TNKS1BP1: variants seen among roughly 807,000 people sequenced by gnomAD.
TNKS1BP1 encodes 182 kDa tankyrase-1-binding protein.
Under a neutral mutation model 141.1 loss-of-function variants are expected in TNKS1BP1, and 48 were observed. The ratio of observed to expected loss-of-function variants is 0.34; its 90% CI spans 0.27 to 0.43. The LOEUF is 0.43. TNKS1BP1 is among the 20% of genes least tolerant of loss of function. The pLI is 1.00. For missense variants in TNKS1BP1, 2,149 were observed against 2,226.0 expected (o/e 0.97, Z 0.70); for synonymous variants, 875 against 898.2 (o/e 0.97, Z 0.46).
At chr11:57,319,931 G>A in intron 3 of TNKS1BP1, 148 bp downstream of exon 3, 1 of 917,342 alleles carries the variant, frequency 1.1e-6, no homozygotes, top group Non-Finnish European at 1.6e-6. Flanking sequence ...CCTAGATCGG[G>A]ATCTGCCTGT....
At position 57,312,977 on chromosome 11, in the gene TNKS1BP1, G is replaced by A; in HGVS notation, c.1711C>T (p.Pro571Ser). 9.3e-6 allele frequency: 15 copies of A among 1,613,914 alleles called. No individual in the cohort carries two copies. The highest frequency in any genetic ancestry group is 1.1e-5 in the Non-Finnish European group (13 of 1,180,024). ...QPQFPAVPLE[P>S]LPTTEGTPGL... is the part of the protein sequence containing the mutation. ...GGTGTGCCCTCAGTTGTAGGCAGGG[G>A]CTCAAGGGGAACAGCTGGGAATTGA... Residue 571 changes from proline to serine, a missense_variant, in exon 5 of 12, where the codon CCC (proline) becomes TCC (serine). Transcript: ENST00000358252.
rs146774660 is a variant in TNKS1BP1, at chr11:57,313,281, G to T, written c.1407C>A (p.Asn469Lys). The T allele has an allele frequency of 2.2e-5, 35 of 1,613,020 alleles. No individual in the cohort carries two copies. In the African/African-American group the frequency reaches 4.0e-4, roughly 18 times the overall value. ...ATTCGAAGGACTGTGATAAGCTCCA[G>T]TTGGACTCTGCCCCAAAGGGACGAT... The part of the protein sequence containing the change: ...ALDRPFGAES[N>K]WSLSQSFEWT... The change falls in exon 5 of 12, where the codon AAC (asparagine) becomes AAA (lysine). Residue 469 changes from asparagine to lysine, a missense_variant. Physicochemically the swap from Asn to Lys is moderately conservative, Grantham distance 94 (BLOSUM62 0). Coordinates refer to ENST00000358252, the MANE Select transcript of TNKS1BP1 (RefSeq NM_033396.3).
chr11:57,300,699 A>G, intron 10 of TNKS1BP1, 99 bp from the exon 11 acceptor site: 1 of 1,546,094 alleles, frequency 6.5e-7, no homozygotes, highest in Non-Finnish European at 8.9e-7. Flanking sequence ...TAACCAGAAG[A>G]GGCAGTCTGG....
In TNKS1BP1 at chr11:57,312,808, G is replaced by T. The variant is rs1276336231; in HGVS notation, c.1880C>A (p.Pro627His). Residue 627 changes from proline (P) to histidine (H), a missense_variant, in exon 5 of 12, where the codon CCT (proline) becomes CAT (histidine). Physicochemically the swap from Pro to His is moderately conservative, Grantham distance 77. Coordinates refer to ENST00000358252, the MANE Select transcript of TNKS1BP1 (RefSeq NM_033396.3). ...PVLGQEQPAA[P>H]DQPCVLFADA... ...AGCAAAGAGAACACAGGGCTGGTCA[G>T]GGGCTGCTGGCTGCTCCTGCCCCAG... The T allele has an allele frequency of 6.2e-7, 1 of 1,612,134 alleles. No individual in the cohort carries two copies. Among genetic ancestry groups the T allele is most frequent in the East Asian group, 2.2e-5 (1 of 44,856 alleles).
At chr11:57,301,137 A>C in intron 9 of TNKS1BP1, 96 bp from the exon 10 acceptor site, 1 of 1,321,572 alleles carries the variant, frequency 7.6e-7, no homozygotes, top group Non-Finnish European at 1.0e-6. Context: ...CAGTCCCCAG[A>C]ATCAAGCAGA....
Position 57,310,004 on chromosome 11 carries a change from T to G in TNKS1BP1, c.2707A>C (p.Asn903His). 3 of 1,614,124 alleles carry G rather than the reference T, an allele frequency of 1.9e-6. No individual in the cohort carries two copies. The highest frequency in any genetic ancestry group is 2.5e-6 in the Non-Finnish European group (3 of 1,179,948). The stretch of plus-strand genomic sequence containing the variant: ...TTCCCCAAATCTTGGCCCTGCTCGT[T>G]GGCATCTTGGCTGGCATAAGCACCC... ...SLGAYASQDANEQGQDLGKRD... is the reference protein window; with the variant it reads ...SLGAYASQDAHEQGQDLGKRD... The change falls in exon 6 of 12, where the codon AAC becomes CAC. Residue 903 changes from asparagine (N) to histidine (H), a missense_variant. By Grantham distance (68) the Asn-to-His change is moderately conservative (BLOSUM62 1). Transcript: ENST00000358252.
rs1033096633 is a variant in TNKS1BP1, at chr11:57,322,079, G to C, written c.-65-129C>G. 156 of 812,998 alleles carry C rather than the reference G, an allele frequency of 1.9e-4. 17 individuals carry two copies. Among genetic ancestry groups the C allele is most frequent in the Non-Finnish European group, 2.5e-4 (139 of 565,012 alleles). 50.4% of individuals were successfully genotyped at this position (812,998 alleles called of 1,614,324 possible). ...GAAGAGAGAACTTGGAGTGGGGGGG[G>C]GGGGGTAGGAGGAGGTCAAGGGAGG... On this transcript the variant is annotated intron_variant, in intron 1 of 11. Transcript: ENST00000358252.
chr11:57,313,131 G>A lies in TNKS1BP1; in HGVS notation c.1557C>T (p.Ser519=). Residue 519 remains serine, a synonymous_variant, in exon 5 of 12, where the codon AGC becomes AGT. Transcript: ENST00000358252. ...CCTGCTGAGACACTCCTTCTTCCCT[G>A]CTGGAAACGGCCAAGTTGCCAGCCT... The part of the protein sequence containing the change: ...AAEAGNLAVS[S]REEGVSQQGQ... 6.2e-7 allele frequency: 1 copy of A among 1,613,160 alleles called. No individual in the cohort carries two copies. Among genetic ancestry groups the A allele is most frequent in the Non-Finnish European group, 8.5e-7 (1 of 1,180,026 alleles).
At position 57,310,166 on chromosome 11, in the gene TNKS1BP1, T is replaced by A. The variant is rs763104177; in HGVS notation, c.2545A>T (p.Arg849Trp). The A allele has an allele frequency of 5.6e-6, 9 of 1,614,188 alleles. No homozygotes were observed. Among genetic ancestry groups the A allele is most frequent in the East Asian group, 2.2e-5 (1 of 44,880 alleles). The change falls in exon 6 of 12, where the codon AGG (arginine) becomes TGG (tryptophan). Residue 849 changes from arginine (R) to tryptophan (W), a missense_variant. Transcript: ENST00000358252. ...CTGGAGTAAGTGCCCTGGGAATCCCTCTTTCTGAACTCCCAGTCCTGAACA... is the reference window on the plus strand; with the variant it reads ...CTGGAGTAAGTGCCCTGGGAATCCCACTTTCTGAACTCCCAGTCCTGAACA... ...ADVQDWEFRK[R>W]DSQGTYSSRD...
Position 57,313,755 on chromosome 11 carries a change from A to T in TNKS1BP1, c.933T>A (p.Ser311=), listed in dbSNP as rs746565451. The stretch of plus-strand genomic sequence containing the variant: ...CTTCCAGAAGCTGTGAGTGGCAGGG[A>T]GAACTCTTATCAGGCGGGTGAAGAT... ...SPHLHPPDKS[S]PCHSQLLEAQ... Residue 311 remains serine (S), a synonymous_variant, in exon 5 of 12, where the codon TCT becomes TCA. Transcript: ENST00000358252. The T allele has an allele frequency of 3.1e-6, 5 of 1,597,722 alleles. No individual in the cohort carries two copies. The African/African-American group carries it at 6.7e-5, about 21-fold the overall frequency.
In TNKS1BP1 at chr11:57,305,741, C is replaced by T. The variant is rs1590578595; in HGVS notation, c.4316+2654G>A. 3.3e-5 allele frequency among the ~76,000 whole-genome samples: 5 copies of T among 152,170 alleles called. No homozygotes were observed. The South Asian group carries it at 1.0e-3, about 32-fold the overall frequency. On this transcript the variant is annotated intron_variant, in intron 6 of 11. Coordinates refer to ENST00000358252, the MANE Select transcript of TNKS1BP1 (RefSeq NM_033396.3). ...ACACTGCCTCTCTGGGTCTCAGTTT[C>T]CCTAGTTTTTGTGAGGAACAATTAA...
rs1217989870 is a variant in TNKS1BP1, at chr11:57,317,021, T to A, written c.798+797A>T. ...GGCCTCCTTGCCAGGAAAGCACCAA[T>A]GCCTTTGTACTTGCTGTGCCCTCTA... On this transcript the variant is annotated intron_variant, in intron 4 of 11. Transcript: ENST00000358252. Among the ~76,000 whole-genome samples, 3 of 152,206 alleles carry A rather than the reference T, an allele frequency of 2.0e-5. No homozygotes were observed. The South Asian group carries it at 6.2e-4, about 31-fold the overall frequency.
Position 57,302,801 on chromosome 11 carries a change from G to C in TNKS1BP1, c.4341C>G (p.Pro1447=). Reference sequence around the variant, plus strand: ...GCAGGCCCTGGGAGCCGGAGGGTGGGGGGCGGGCCGGGCACCTGCCAGGGC... The same window carrying C: ...GCAGGCCCTGGGAGCCGGAGGGTGGCGGGCGGGCCGGGCACCTGCCAGGGC... The part of the protein sequence containing the change: ...GASPGRCPAR[P]PPSGSQGLLE... Residue 1447 remains proline, a synonymous_variant, in exon 7 of 12, where the codon CCC becomes CCG. Coordinates refer to ENST00000358252, the MANE Select transcript of TNKS1BP1 (RefSeq NM_033396.3). The surrounding 1 kb of genome is among the most constrained non-coding windows in gnomAD (Gnocchi z 5.5). 6.5e-7 allele frequency: 1 copy of C among 1,540,452 alleles called. No individual in the cohort carries two copies. The highest frequency in any genetic ancestry group is 8.7e-7 in the Non-Finnish European group (1 of 1,146,752).
At chr11:57,319,299 G>A (rs1002543788) in intron 3 of TNKS1BP1, among the ~76,000 whole-genome samples, 2 of 152,124 alleles carry the variant, frequency 1.3e-5, no homozygotes, top group Non-Finnish European at 2.9e-5. Flanking sequence ...TGGCACTTAA[G>A]AGCAGAGGAT....
chr11:57,305,155 T>C (rs1855589816), intron 6 of TNKS1BP1, among the ~76,000 whole-genome samples: 1 of 152,190 alleles, frequency 6.6e-6, no homozygotes, highest in South Asian at 2.1e-4. Context: ...ACACAGGGAC[T>C]GAGTCCTGCC....
chr11:57,321,746 C>CGGGG, intron 2 of TNKS1BP1, 46 bp downstream of exon 2: 2 of 822,410 alleles, frequency 2.4e-6, no homozygotes, highest in Non-Finnish European at 4.1e-6. Flanking sequence ...TCTGTCCTTC[C>CGGGG]CACCCCCCTC....
At position 57,313,298 on chromosome 11, in the gene TNKS1BP1, A is replaced by G. The variant is rs144262283; in HGVS notation, c.1390T>C (p.Phe464Leu). The G allele has an allele frequency of 6.2e-7, 1 of 1,613,002 alleles. No homozygotes were observed. The highest frequency in any genetic ancestry group is 8.5e-7 in the Non-Finnish European group (1 of 1,180,016). Reference protein sequence around the residue: ...QGSQLALDRPFGAESNWSLSQ... With the variant: ...QGSQLALDRPLGAESNWSLSQ... ...AAGCTCCAGTTGGACTCTGCCCCAA[A>G]GGGACGATCCAGGGCCAACTGGCTC... Residue 464 changes from phenylalanine to leucine, a missense_variant, in exon 5 of 12, where the codon TTT becomes CTT. Physicochemically the swap from Phe to Leu is conservative, Grantham distance 22. Transcript: ENST00000358252.
intron 5 of TNKS1BP1, among the ~76,000 whole-genome samples, chr11:57,311,784 G>A (rs1855716918): frequency 6.6e-6 from 1 of 152,252 alleles, no homozygotes; most frequent in Admixed American, 6.5e-5. Flanking sequence ...AAACGGCGCT[G>A]GCCCGGGCCC....
At chr11:57,323,164 C>T (rs144611616) in intron 1 of TNKS1BP1, among the ~76,000 whole-genome samples, 1 of 152,284 alleles carries the variant, frequency 6.6e-6, no homozygotes, top group East Asian at 1.9e-4. Context: ...ACTGTGATTC[C>T]ATTCAGTGTC....
Sources: allele counts gnomAD v4.1 joint callset (sites outside exome capture counted in the v4.1 genomes callset), GRCh38; gene constraint gnomAD v4.1.1; non-coding constraint Gnocchi (gnomAD v3.1); transcripts MANE v1.5; gene names NCBI Gene and HGNC (gene_info 2026-07-23, HGNC 2026-07-21).